Variants in PKD1L3 observed in about 807,000 individuals in gnomAD.
The protein encoded by PKD1L3 is polycystin 1 like 3, transient receptor potential channel interacting.
A neutral mutation model predicts 184.1 loss-of-function variants in PKD1L3; 239 were observed. The ratio of observed to expected loss-of-function variants is 1.30; its 90% CI spans 1.17 to 1.45. PKD1L3 has a LOEUF of 1.45. PKD1L3 is among the 40% of genes most tolerant of loss of function. The probability of loss-of-function intolerance (pLI) is 0.00; values close to 1 mark genes in which losing one functional copy is unlikely to be tolerated. For missense variants in PKD1L3, 2,660 were observed against 2,067.2 expected (o/e 1.29, Z -5.56); for synonymous variants, 996 against 778.8 (o/e 1.28, Z -4.64).
intron 11 of PKD1L3, among the ~76,000 whole-genome samples, chr16:71,975,950 TTC>T (rs2039902763): frequency 1.0e-5 from 1 of 99,624 alleles, no homozygotes. Context: ...TACAAGCTGT[TTC>T]TGTTCTTTTT....
intron 5 of PKD1L3, among the ~76,000 whole-genome samples, chr16:71,984,502 T>C (rs1224606424): frequency 6.6e-6 from 1 of 152,238 alleles, no homozygotes; most frequent in Non-Finnish European, 1.5e-5. Context: ...AAACCAAACT[T>C]TTCTATTCAG....
At chr16:71,948,072 C>A (rs765338375) in intron 21 of PKD1L3, among the ~76,000 whole-genome samples, 1 of 151,724 alleles carries the variant, frequency 6.6e-6, no homozygotes, top group Non-Finnish European at 1.5e-5. Context: ...GCATACCACA[C>A]CCAGTTTATT....
rs375045218 is a variant in PKD1L3, at chr16:71,993,208, C to T, written c.535+8G>A. On this transcript the variant is annotated splice_region_variant and intron_variant, in intron 3 of 29. Coordinates refer to ENST00000620267, the MANE Select transcript of PKD1L3 (RefSeq NM_181536.2). ...ATTTTTAAGGTTACTAGAGGAGTAA[C>T]GCATTACCTGGGGGCATTTTGTCTC... 53 of 1,523,534 alleles carry T rather than the reference C, an allele frequency of 3.5e-5. No homozygotes were observed. The African/African-American group carries it at 4.7e-4, about 14-fold the overall frequency. 94.4% of individuals were successfully genotyped at this position (1,523,534 alleles called of 1,614,324 possible).
At chr16:71,993,995 C>T (rs773908613) in intron 2 of PKD1L3, among the ~76,000 whole-genome samples, 1 of 152,114 alleles carries the variant, frequency 6.6e-6, no homozygotes, top group Non-Finnish European at 1.5e-5. Context: ...GTCTTGAACT[C>T]CTGACCTCAG....
At chr16:71,971,300 A>C (rs1266830987) in intron 12 of PKD1L3, among the ~76,000 whole-genome samples, 3 of 152,234 alleles carry the variant, frequency 2.0e-5, no homozygotes, top group Non-Finnish European at 2.9e-5. Flanking sequence ...ATGGCTTTCC[A>C]TATGTTGGAA....
At chr16:71,936,937 A>T (rs2038200653) in intron 25 of PKD1L3, among the ~76,000 whole-genome samples, 1 of 152,190 alleles carries the variant, frequency 6.6e-6, no homozygotes, top group South Asian at 2.1e-4. Context: ...TCAGCCTTTA[A>T]CTGAATTCAG....
At chr16:71,997,141 T>C (rs1051737354) in intron 2 of PKD1L3, among the ~76,000 whole-genome samples, 7 of 152,108 alleles carry the variant, frequency 4.6e-5, no homozygotes, top group African/African-American at 1.7e-4. Flanking sequence ...ATTCACCTGT[T>C]GACAGACATC....
intron 23 of PKD1L3, 42 bp from the exon 24 acceptor site, chr16:71,943,066 A>C: frequency 7.0e-7 from 1 of 1,427,512 alleles, no homozygotes; most frequent in Non-Finnish European, 9.5e-7. Context: ...TGAGTGGTTA[A>C]CTTAGAAATC....
chr16:71,950,089 G>A (rs1033480861), intron 20 of PKD1L3, 29 bp downstream of exon 20: 6 of 1,549,022 alleles, frequency 3.9e-6, no homozygotes, highest in African/African-American at 1.4e-5. Context: ...GATTACAGGG[G>A]ATAAAGAAGG....
chr16:71,982,982 T>A (rs1424305545), intron 6 of PKD1L3, among the ~76,000 whole-genome samples: 2 of 152,188 alleles, frequency 1.3e-5, no homozygotes, highest in East Asian at 1.9e-4. Flanking sequence ...AAGTTACAAT[T>A]TGACAGGGAA....
intron 26 of PKD1L3, among the ~76,000 whole-genome samples, chr16:71,934,484 A>G: frequency 6.6e-6 from 1 of 152,296 alleles, no homozygotes; most frequent in Non-Finnish European, 1.5e-5. Context: ...AACTCAGCCC[A>G]GAGAGAGGAG....
chr16:71,999,800 T>C lies in PKD1L3; in HGVS notation c.179A>G (p.His60Arg). The stretch of plus-strand genomic sequence containing the variant: ...ATCTTGAACTTCCTTGTTCCAAATA[T>C]GAGCTAGGAATCCTCTCTGCACATG... ...YCHVQRGFLA[H>R]IWNKEVQDLI... The change falls in exon 1 of 30, where the codon CAT (histidine) becomes CGT (arginine). Residue 60 changes from histidine to arginine, a missense_variant. Physicochemically the swap from His to Arg is conservative, Grantham distance 29. Coordinates refer to ENST00000620267, the MANE Select transcript of PKD1L3 (RefSeq NM_181536.2). 8.4e-6 allele frequency: 13 copies of C among 1,551,546 alleles called. No individual in the cohort carries two copies. Among genetic ancestry groups the C allele is most frequent in the Non-Finnish European group, 1.1e-5 (13 of 1,146,810 alleles).
At chr16:71,929,765 A>T (rs1014210009) in intron 29 of PKD1L3, 87 bp from the exon 30 acceptor site, 1 of 1,249,988 alleles carries the variant, frequency 8.0e-7, no homozygotes, top group Non-Finnish European at 1.1e-6. Context: ...GATTTTTAAA[A>T]AATTAGTAAA....
At position 71,949,876 on chromosome 16, in the gene PKD1L3, A is replaced by C. The variant is rs1265967576; in HGVS notation, c.3525T>G (p.Tyr1175Ter). 5 of 1,551,664 alleles carry C rather than the reference A, an allele frequency of 3.2e-6. No homozygotes were observed. The South Asian group carries it at 5.9e-5, about 18-fold the overall frequency. Reference sequence around the variant, plus strand: ...CTTGGTCTTTGCTCAATTCCAAGCTATAAAGTGCTGTAAAAAAGGCTGAAG... The same window carrying C: ...CTTGGTCTTTGCTCAATTCCAAGCTCTAAAGTGCTGTAAAAAAGGCTGAAG... ...SLASAFFTAL[Y>*]SLELSKDQAT... Residue 1175 changes from tyrosine to a stop codon, truncating the protein, a stop_gained, in exon 21 of 30, where the codon TAT becomes TAG. Coordinates refer to ENST00000620267, the MANE Select transcript of PKD1L3 (RefSeq NM_181536.2). LOFTEE classifies it high-confidence loss of function.
intron 7 of PKD1L3, among the ~76,000 whole-genome samples, chr16:71,981,713 G>T (rs1200000780): frequency 6.6e-6 from 1 of 151,832 alleles, no homozygotes; most frequent in Non-Finnish European, 1.5e-5. Context: ...GCTCATTTTT[G>T]TATTTTTAGT....
intron 4 of PKD1L3, 142 bp from the exon 5 acceptor site, chr16:71,986,611 A>C: frequency 1.0e-6 from 1 of 965,770 alleles, no homozygotes; most frequent in Non-Finnish European, 1.5e-6. Context: ...TCTGTGCTCA[A>C]ACAGAATTTT....
intron 12 of PKD1L3, among the ~76,000 whole-genome samples, chr16:71,973,101 AAAG>A (rs1375850239): frequency 6.6e-6 from 1 of 152,216 alleles, no homozygotes; most frequent in African/African-American, 2.4e-5. Flanking sequence ...TGTGTTTGAG[AAAG>A]AAATCACAAA....
At chr16:71,966,957 G>C (rs896763257) in intron 15 of PKD1L3, among the ~76,000 whole-genome samples, 180 bp downstream of exon 15, 1 of 152,152 alleles carries the variant, frequency 6.6e-6, no homozygotes, top group African/African-American at 2.4e-5. Context: ...AAATCACATT[G>C]TTAATCTCTC....
chr16:71,989,532 T>G (rs1200405520), intron 4 of PKD1L3, among the ~76,000 whole-genome samples: 1 of 152,240 alleles, frequency 6.6e-6, no homozygotes. Context: ...TGTTTAGGCA[T>G]CAACTAAAGG....
Sources: allele counts gnomAD v4.1 joint callset (sites outside exome capture counted in the v4.1 genomes callset), GRCh38; gene constraint gnomAD v4.1.1; transcripts MANE v1.5; gene names NCBI Gene and HGNC (gene_info 2026-07-23, HGNC 2026-07-21).